CASK: variants seen among roughly 807,000 people sequenced by gnomAD.
CASK encodes the protein peripheral plasma membrane protein CASK.
In CASK, 4 loss-of-function variants were observed where a neutral mutation model predicts 82.9. That is an observed-to-expected ratio of 0.05 (90% confidence interval 0.02 to 0.11). The LOEUF is 0.11. CASK is among the 10% of genes least tolerant of loss of function. CASK has a pLI of 1.00. For missense variants in CASK, 358 were observed against 720.9 expected (o/e 0.50, Z 5.76); for synonymous variants, 259 against 253.5 (o/e 1.02, Z -0.20).
rs148278625 is a variant in CASK, at chrX:41,704,599, C to T, written c.430-33069G>A. ...AAGTGCTAGAAAAATGTTGGTATTG[C>T]CCATCCAACACAGTCCAGGGGATTG... On this transcript the variant is annotated intron_variant, in intron 5 of 26. Coordinates refer to ENST00000378163, the MANE Select transcript of CASK (RefSeq NM_001367721.1). Among the ~76,000 whole-genome samples the T allele has an allele frequency of 5.4e-3, 603 of 111,897 alleles. 8 individuals carry two copies. Among genetic ancestry groups the T allele is most frequent in the Admixed American group, 0.045 (477 of 10,528 alleles).
At chrX:41,794,011 C>A (rs1266955441) in intron 2 of CASK, among the ~76,000 whole-genome samples, 1 of 112,108 alleles carries the variant, frequency 8.9e-6, no homozygotes, top group Admixed American at 9.5e-5. Flanking sequence ...AGAGTAGAGG[C>A]CTAGACAGGC....
chrX:41,867,244 C>T (rs2148001318), intron 1 of CASK, among the ~76,000 whole-genome samples: 1 of 112,022 alleles, frequency 8.9e-6, no homozygotes, highest in Non-Finnish European at 1.9e-5. Flanking sequence ...TCTTATCCAT[C>T]CTGAGTCTCT....
chrX:41,727,616 T>C (rs2068286563), intron 5 of CASK: 3 of 1,209,767 alleles, frequency 2.5e-6, no homozygotes, highest in Middle Eastern at 4.6e-4. Context: ...CTAGGAGCCA[T>C]GATCTCTCAG....
chrX:41,855,905 T>C (rs1464866038), intron 1 of CASK, among the ~76,000 whole-genome samples: 12 of 112,480 alleles, frequency 1.1e-4, no homozygotes, highest in Non-Finnish European at 1.9e-5. Context: ...AAAACAAGGT[T>C]CTACTTGAGG....
intron 5 of CASK, among the ~76,000 whole-genome samples, chrX:41,713,924 G>A (rs1318082749): frequency 3.6e-5 from 4 of 111,729 alleles, no homozygotes; most frequent in Non-Finnish European, 7.5e-5. Flanking sequence ...AACAGGTTTG[G>A]TGTATTTATC....
intron 11 of CASK, among the ~76,000 whole-genome samples, chrX:41,612,643 G>T (rs1184144713): frequency 1.1e-5 from 1 of 92,666 alleles, no homozygotes; most frequent in Non-Finnish European, 2.2e-5. Context: ...CGCCCCGTCC[G>T]GGAGGGAGGT....
chrX:41,644,248 C>T (rs182399273), intron 8 of CASK, among the ~76,000 whole-genome samples: 106 of 111,886 alleles, frequency 9.5e-4, no homozygotes, highest in African/African-American at 3.3e-3. Flanking sequence ...AGACCTTAAA[C>T]AGAAGGACTG....
chrX:41,552,198 G>T (rs541408768), intron 21 of CASK, among the ~76,000 whole-genome samples: 3 of 109,255 alleles, frequency 2.7e-5, no homozygotes, highest in Non-Finnish European at 5.7e-5. Context: ...CGGCGTCCCA[G>T]AGTGCTAGGA....
chrX:41,661,562 A>T (rs770871204), intron 7 of CASK, among the ~76,000 whole-genome samples: 2 of 111,623 alleles, frequency 1.8e-5, no homozygotes, highest in South Asian at 7.5e-4. Flanking sequence ...GAATCATCAC[A>T]ATTTGAGCAA....
intron 22 of CASK, among the ~76,000 whole-genome samples, chrX:41,537,405 TTAA>T (rs2064888385): frequency 9.0e-6 from 1 of 111,373 alleles, no homozygotes; most frequent in Non-Finnish European, 1.9e-5. Flanking sequence ...AAAAAAGGAC[TTAA>T]TAAAAGAAAA....
intron 3 of CASK, among the ~76,000 whole-genome samples, chrX:41,749,454 C>T (rs1047929770): frequency 2.3e-5 from 2 of 87,174 alleles, no homozygotes; most frequent in East Asian, 8.6e-4. Context: ...GGCGCCATCT[C>T]AGCTCACTGC....
chrX:41,578,229 T>C (rs2065511324), intron 15 of CASK, 111 bp downstream of exon 15: 1 of 518,515 alleles, frequency 1.9e-6, no homozygotes, highest in Admixed American at 3.3e-5. Flanking sequence ...TCTTTAAAAC[T>C]ATCCATGTCT....
chrX:41,668,234 G>A (rs2067145183), intron 6 of CASK, among the ~76,000 whole-genome samples: 1 of 111,771 alleles, frequency 8.9e-6, no homozygotes, highest in Non-Finnish European at 1.9e-5. Flanking sequence ...AATATAGAGA[G>A]AAGGAATAGG....
intron 12 of CASK, among the ~76,000 whole-genome samples, chrX:41,596,870 C>T (rs1456190497): frequency 1.8e-5 from 2 of 111,704 alleles, no homozygotes; most frequent in South Asian, 3.7e-4. Flanking sequence ...TAGGAAGTGT[C>T]GCCACAGTTC....
intron 12 of CASK, 126 bp from the exon 13 acceptor site, chrX:41,589,718 A>C: frequency 2.0e-6 from 1 of 511,113 alleles, no homozygotes; most frequent in Non-Finnish European, 3.5e-6. Context: ...TTTCAGTGGG[A>C]TCCTCTTGGT....
intron 8 of CASK, among the ~76,000 whole-genome samples, chrX:41,652,903 C>T (rs148571946): frequency 7.5e-4 from 84 of 112,118 alleles, no homozygotes; most frequent in Non-Finnish European, 1.2e-3. Flanking sequence ...TGTAGGATCT[C>T]TGATTTGTAG....
chrX:41,876,622 G>A (rs1415139220), intron 1 of CASK, among the ~76,000 whole-genome samples: 1 of 111,621 alleles, frequency 9.0e-6, no homozygotes, highest in Non-Finnish European at 1.9e-5. Context: ...ACTTATATGA[G>A]AAAAATACTG....
intron 5 of CASK, among the ~76,000 whole-genome samples, chrX:41,723,816 G>A (rs1271511838): frequency 2.7e-5 from 3 of 112,046 alleles, no homozygotes; most frequent in Non-Finnish European, 5.6e-5. Flanking sequence ...AAGATGGATT[G>A]CAAATAAGCC....
At chrX:41,720,865 G>A (rs1337922899) in intron 5 of CASK, among the ~76,000 whole-genome samples, 1 of 111,585 alleles carries the variant, frequency 9.0e-6, no homozygotes, top group Non-Finnish European at 1.9e-5. Context: ...TCCTCTGCCA[G>A]GTAAGTATAT....
Sources: allele counts gnomAD v4.1 joint callset (sites outside exome capture counted in the v4.1 genomes callset), GRCh38; gene constraint gnomAD v4.1.1; transcripts MANE v1.5; gene names NCBI Gene and HGNC (gene_info 2026-07-23, HGNC 2026-07-21).